GREM2: variants seen among roughly 807,000 people sequenced by gnomAD.
GREM2 encodes gremlin-2.
In GREM2, 11 loss-of-function variants were observed where a neutral mutation model predicts 14.2. The ratio of observed to expected loss-of-function variants is 0.78; its 90% confidence interval spans 0.49 to 1.28. GREM2 has a LOEUF of 1.28. Among genes scored for constraint, GREM2 ranks in the 50% most tolerant of loss-of-function variants. GREM2 has a pLI of 0.00. For synonymous variants in GREM2, 98 were observed against 97.6 expected, an observed-to-expected ratio of 1.00 and a Z score of -0.02; for missense variants, 210 against 218.5, an observed-to-expected ratio of 0.96 and a Z score of 0.24.
chr1:240,543,500 G>T lies in GREM2; in HGVS notation c.-1-50024C>A, dbSNP rs750699509. ...TCACTACCATGATAACAGTAGGGGG[G>T]AAACCGCCCTTGTGATTCAATTATT... On this transcript the variant is annotated intron_variant, in intron 1 of 1. Transcript: ENST00000318160. This position sits in a 1 kb window ranked among gnomAD's most constrained non-coding sequence, Gnocchi z 6.4. Among the ~76,000 whole-genome samples the T allele has an allele frequency of 1.6e-4, 24 of 152,108 alleles. No individual in the cohort carries two copies. Among genetic ancestry groups the T allele is most frequent in the Admixed American group, 2.6e-4 (4 of 15,274 alleles).
intron 1 of GREM2, among the ~76,000 whole-genome samples, chr1:240,604,826 G>C (rs375321016): frequency 2.6e-5 from 4 of 152,300 alleles, no homozygotes; most frequent in African/African-American, 9.6e-5. Flanking sequence ...CCTCTTCAAA[G>C]ACTTTCCTCC....
chr1:240,516,222 A>C (rs558939853), intron 1 of GREM2, among the ~76,000 whole-genome samples: 13 of 151,304 alleles, frequency 8.6e-5, no homozygotes, highest in African/African-American at 3.2e-4. Flanking sequence ...CAGTATCCCC[A>C]GTAGGTAAGT....
At chr1:240,526,225 C>T (rs1346065360) in intron 1 of GREM2, among the ~76,000 whole-genome samples, 1 of 152,150 alleles carries the variant, frequency 6.6e-6, no homozygotes, top group East Asian at 1.9e-4. Flanking sequence ...TCGTCTGCCA[C>T]GCCTCTCTAA....
chr1:240,586,070 C>T (rs1457007163), intron 1 of GREM2, among the ~76,000 whole-genome samples: 2 of 150,938 alleles, frequency 1.3e-5, no homozygotes, highest in African/African-American at 2.4e-5. Flanking sequence ...AGCAGAAAAG[C>T]CCTTTCTGTG....
chr1:240,507,336 A>G (rs1364979122), intron 1 of GREM2, among the ~76,000 whole-genome samples: 1 of 103,778 alleles, frequency 9.6e-6, no homozygotes, highest in African/African-American at 3.8e-5. Flanking sequence ...TCCCTCCTTT[A>G]CCTCTCTCTT....
intron 1 of GREM2, among the ~76,000 whole-genome samples, chr1:240,502,668 G>A (rs1677596475): frequency 6.6e-6 from 1 of 152,126 alleles, no homozygotes; most frequent in Non-Finnish European, 1.5e-5. Flanking sequence ...TCTGATAGAT[G>A]CTATCCCAAT....
chr1:240,509,620 A>T (rs1053685025), intron 1 of GREM2, among the ~76,000 whole-genome samples: 6 of 151,926 alleles, frequency 3.9e-5, no homozygotes, highest in African/African-American at 1.2e-4. Context: ...CGCCCGCCTC[A>T]GCCTCCCAGT....
At chr1:240,511,695 G>C (rs1677834860) in intron 1 of GREM2, among the ~76,000 whole-genome samples, 1 of 152,182 alleles carries the variant, frequency 6.6e-6, no homozygotes, top group Non-Finnish European at 1.5e-5. Context: ...GGAGTTTGCG[G>C]TAAGCCGAGA....
chr1:240,538,396 A>G (rs537595347), intron 1 of GREM2, among the ~76,000 whole-genome samples: 1 of 152,124 alleles, frequency 6.6e-6, no homozygotes, highest in Non-Finnish European at 1.5e-5. Context: ...CATTTGTATT[A>G]AAGACATGTA....
At chr1:240,511,609 C>T (rs367571811) in intron 1 of GREM2, among the ~76,000 whole-genome samples, 2 of 152,044 alleles carry the variant, frequency 1.3e-5, no homozygotes, top group Admixed American at 1.3e-4. Flanking sequence ...AGAAATTAGC[C>T]GGGTGTGGTG....
At chr1:240,560,600 G>A (rs1679019599) in intron 1 of GREM2, among the ~76,000 whole-genome samples, 1 of 152,066 alleles carries the variant, frequency 6.6e-6, no homozygotes, top group South Asian at 2.1e-4. Context: ...GAAAAACAAG[G>A]CAAGAGGTGA....
chr1:240,571,552 C>T (rs796534167), intron 1 of GREM2, among the ~76,000 whole-genome samples: 9 of 152,010 alleles, frequency 5.9e-5, no homozygotes, highest in South Asian at 2.1e-4. Context: ...AAAAATTAGC[C>T]GGGCATGGTG....
intron 1 of GREM2, chr1:240,530,543 A>G (rs1029224731): frequency 6.6e-6 from 1 of 152,228 alleles, no homozygotes; most frequent in African/African-American, 2.4e-5. Flanking sequence ...GCTTCCATGA[A>G]AAGAAAGGTA....
At chr1:240,539,724 T>C (rs1678545743) in intron 1 of GREM2, among the ~76,000 whole-genome samples, 1 of 152,208 alleles carries the variant, frequency 6.6e-6, no homozygotes, top group Non-Finnish European at 1.5e-5. Context: ...CATGTTCAAC[T>C]CTGGGTAACA....
intron 1 of GREM2, among the ~76,000 whole-genome samples, chr1:240,536,014 G>A (rs1404872229): frequency 1.3e-5 from 2 of 152,004 alleles, no homozygotes; most frequent in African/African-American, 4.8e-5. Flanking sequence ...GGACCTGACT[G>A]CAAGCAGGTT....
At chr1:240,505,828 A>G (rs1045911113) in intron 1 of GREM2, among the ~76,000 whole-genome samples, 1 of 152,066 alleles carries the variant, frequency 6.6e-6, no homozygotes, top group African/African-American at 2.4e-5. Context: ...TAGAACTACA[A>G]TGAAATATGA....
chr1:240,582,671 C>T (rs1679513611), intron 1 of GREM2, among the ~76,000 whole-genome samples: 1 of 151,820 alleles, frequency 6.6e-6, no homozygotes, highest in African/African-American at 2.4e-5. Context: ...GTGACGTGCA[C>T]CTGTAATCTC....
At position 240,564,696 on chromosome 1, in the gene GREM2, A is replaced by C. The variant is rs73113770; in HGVS notation, c.-2+47188T>G. 7.0e-3 allele frequency among the ~76,000 whole-genome samples: 1,059 copies of C among 152,280 alleles called. 9 individuals are homozygous for C. The highest frequency in any genetic ancestry group is 0.024 in the African/African-American group (979 of 41,550). On this transcript the variant is annotated intron_variant, in intron 1 of 1. Coordinates refer to ENST00000318160, the MANE Select transcript of GREM2 (RefSeq NM_022469.4). ...CCCAGGGCCTGACAATATATGCACG[A>C]GGTCATATGGTTCTGTAACACCTGC...
At chr1:240,594,474 A>G (rs895976621) in intron 1 of GREM2, among the ~76,000 whole-genome samples, 27 of 152,208 alleles carry the variant, frequency 1.8e-4, no homozygotes, top group African/African-American at 6.5e-4. Context: ...CTAAGAAGAC[A>G]GGAAAACTGG....
Sources: allele counts gnomAD v4.1 joint callset (sites outside exome capture counted in the v4.1 genomes callset), GRCh38; gene constraint gnomAD v4.1.1; non-coding constraint Gnocchi (gnomAD v3.1); transcripts MANE v1.5; gene names NCBI Gene and HGNC (gene_info 2026-07-23, HGNC 2026-07-21).